MAD1L1: variants seen among roughly 807,000 people sequenced by gnomAD.
The protein encoded by MAD1L1 is mitotic spindle assembly checkpoint protein MAD1.
A neutral mutation model predicts 96.9 loss-of-function variants in MAD1L1; 95 were observed. The ratio of observed to expected loss-of-function variants is 0.98; its 90% CI spans 0.83 to 1.16. The LOEUF is 1.16. Among genes scored for constraint, MAD1L1 ranks in the 50% most tolerant of loss-of-function variants. MAD1L1 has a pLI of 0.00. For missense variants in MAD1L1, 1,007 were observed against 954.4 expected (o/e 1.06, Z -0.73); for synonymous variants, 473 against 396.6 (o/e 1.19, Z -2.29).
intron 16 of MAD1L1, among the ~76,000 whole-genome samples, chr7:1,937,478 C>T (rs894996227): frequency 6.6e-5 from 10 of 152,144 alleles, no homozygotes; most frequent in East Asian, 1.9e-4. Context: ...GGGAGGAGTG[C>T]GCCTGGAGGC....
chr7:1,816,640 A>C (rs1263645203), intron 18 of MAD1L1, among the ~76,000 whole-genome samples: 2 of 152,168 alleles, frequency 1.3e-5, no homozygotes, highest in Middle Eastern at 3.4e-3. Flanking sequence ...CCCATGACCT[A>C]GTTTCCCCAC....
chr7:1,916,305 A>AAACGTCCAC (rs1269321442), intron 17 of MAD1L1, among the ~76,000 whole-genome samples: 1 of 152,158 alleles, frequency 6.6e-6, no homozygotes, highest in Non-Finnish European at 1.5e-5. Flanking sequence ...ACTTGTACCC[A>AAACGTCCAC]AACGTCCACA....
chr7:2,021,763 TCAAA>T (rs574509517), intron 12 of MAD1L1, among the ~76,000 whole-genome samples: 2 of 150,438 alleles, frequency 1.3e-5, no homozygotes, highest in South Asian at 2.1e-4. Flanking sequence ...AGACTCTGTC[TCAAA>T]CAAACAAACA....
intron 11 of MAD1L1, among the ~76,000 whole-genome samples, chr7:2,123,882 G>C (rs544643392): frequency 6.6e-6 from 1 of 152,208 alleles, no homozygotes; most frequent in Admixed American, 6.5e-5. Context: ...GCCCTTTTCC[G>C]CTCTGGCAAG....
At chr7:1,952,970 C>T (rs1251490301) in intron 16 of MAD1L1, among the ~76,000 whole-genome samples, 1 of 152,226 alleles carries the variant, frequency 6.6e-6, no homozygotes, top group East Asian at 1.9e-4. Flanking sequence ...CAGCCCACCA[C>T]ACCTGGGCAT....
chr7:2,220,310 T>C (rs1217460204), intron 5 of MAD1L1, among the ~76,000 whole-genome samples: 3 of 152,112 alleles, frequency 2.0e-5, no homozygotes, highest in Admixed American at 6.5e-5. Flanking sequence ...CTGCCTGACA[T>C]CATGGAACCC....
chr7:1,896,260 C>T (rs1014241187), intron 18 of MAD1L1, among the ~76,000 whole-genome samples: 10 of 152,252 alleles, frequency 6.6e-5, no homozygotes, highest in African/African-American at 2.4e-4. Flanking sequence ...CGGCCACTGG[C>T]AAGCTGAGGC....
intron 10 of MAD1L1, among the ~76,000 whole-genome samples, chr7:2,165,908 C>G (rs1317814898): frequency 6.6e-6 from 1 of 152,184 alleles, no homozygotes; most frequent in Non-Finnish European, 1.5e-5. Flanking sequence ...GAATGACCGG[C>G]CCCCAGGGTA....
chr7:1,890,313 C>T (rs2128437243), intron 18 of MAD1L1, among the ~76,000 whole-genome samples: 1 of 152,330 alleles, frequency 6.6e-6, no homozygotes, highest in South Asian at 2.1e-4. Flanking sequence ...AGGCCTCACC[C>T]ACAGCCTGGT....
intron 13 of MAD1L1, among the ~76,000 whole-genome samples, chr7:2,009,811 C>T (rs189769077): frequency 3.9e-4 from 59 of 152,308 alleles, no homozygotes; most frequent in East Asian, 3.7e-3. Flanking sequence ...TTATTCCTCA[C>T]GCCCAGCAAC....
intron 1 of MAD1L1, among the ~76,000 whole-genome samples, chr7:2,231,549 G>C (rs1794190977): frequency 6.6e-6 from 1 of 152,186 alleles, no homozygotes; most frequent in Non-Finnish European, 1.5e-5. Context: ...GGAGGTTGCA[G>C]TGAACTGAGA....
At chr7:2,020,987 G>C (rs1370124997) in intron 12 of MAD1L1, among the ~76,000 whole-genome samples, 1 of 152,114 alleles carries the variant, frequency 6.6e-6, no homozygotes, top group African/African-American at 2.4e-5. Flanking sequence ...GAGCATAAAT[G>C]AGCAAATGTA....
chr7:1,885,205 C>T (rs1018890796), intron 18 of MAD1L1, among the ~76,000 whole-genome samples: 1 of 152,164 alleles, frequency 6.6e-6, no homozygotes, highest in African/African-American at 2.4e-5. Context: ...TGGACGCCCC[C>T]ACACACAGAC....
At chr7:2,149,379 C>A (rs1214751076) in intron 10 of MAD1L1, 141 bp from the exon 11 acceptor site, 5 of 707,804 alleles carry the variant, frequency 7.1e-6, no homozygotes, top group Non-Finnish European at 1.3e-5. Context: ...GGACCCAGGT[C>A]CAGGGCAGCA....
chr7:2,094,625 C>T (rs1314140428), intron 11 of MAD1L1, among the ~76,000 whole-genome samples: 1 of 152,082 alleles, frequency 6.6e-6, no homozygotes, highest in East Asian at 1.9e-4. Flanking sequence ...AGAAAGAGGA[C>T]TGGCCAGTGC....
chr7:2,060,471 A>G (rs1300098249), intron 12 of MAD1L1, among the ~76,000 whole-genome samples: 1 of 152,050 alleles, frequency 6.6e-6, no homozygotes, highest in Non-Finnish European at 1.5e-5. Context: ...GCTGATGTCG[A>G]GATATGCCAA....
At chr7:1,851,858 G>A (rs181567230) in intron 18 of MAD1L1, among the ~76,000 whole-genome samples, 1 of 152,216 alleles carries the variant, frequency 6.6e-6, no homozygotes, top group Admixed American at 6.5e-5. Context: ...GGGAGCTAGA[G>A]TCGCCTGCCT....
At chr7:1,880,139 G>A (rs919123439) in intron 18 of MAD1L1, among the ~76,000 whole-genome samples, 2 of 152,220 alleles carry the variant, frequency 1.3e-5, no homozygotes, top group Non-Finnish European at 2.9e-5. Flanking sequence ...AACTCCTACA[G>A]GAGTGACAGG....
chr7:1,988,181 A>T (rs1375576052), intron 14 of MAD1L1, among the ~76,000 whole-genome samples: 1 of 152,206 alleles, frequency 6.6e-6, no homozygotes, highest in Non-Finnish European at 1.5e-5. Flanking sequence ...CGCTGGGGAC[A>T]AGGAGAGGGC....
Sources: allele counts gnomAD v4.1 joint callset (sites outside exome capture counted in the v4.1 genomes callset), GRCh38; gene constraint gnomAD v4.1.1; transcripts MANE v1.5; gene names NCBI Gene and HGNC (gene_info 2026-07-23, HGNC 2026-07-21).